The following MACROH2A1 variants were observed in gnomAD, a reference collection of about 807,000 sequenced individuals.
The protein encoded by MACROH2A1 is macroH2A.1 histone.
A neutral mutation model predicts 31.6 loss-of-function variants in MACROH2A1; 2 were observed. The ratio of observed to expected loss-of-function variants is 0.06; its 90% CI spans 0.03 to 0.20. MACROH2A1 has a LOEUF of 0.20. MACROH2A1 is among the 10% of genes least tolerant of loss of function. MACROH2A1 has a pLI of 1.00. For synonymous variants in MACROH2A1, 169 were observed against 189.6 expected (o/e 0.89, Z 0.89); for missense variants, 230 against 474.0 (o/e 0.49, Z 4.78).
At chr5:135,360,718 C>A in intron 4 of MACROH2A1, 111 bp from the exon 5 acceptor site, 4 of 778,454 alleles carry the variant, frequency 5.1e-6, no homozygotes, top group African/African-American at 1.7e-5. Flanking sequence ...GGAAACTAAA[C>A]CACAACCAGT....
At chr5:135,350,834 C>T (rs1396893223) in intron 6 of MACROH2A1, 1 of 1,607,534 alleles carries the variant, frequency 6.2e-7, no homozygotes, top group Non-Finnish European at 8.5e-7. Flanking sequence ...TACTTCACCA[C>T]CGATGTAGAA....
At chr5:135,395,214 T>A (rs138546205) in intron 1 of MACROH2A1, among the ~76,000 whole-genome samples, 93 of 152,270 alleles carry the variant, frequency 6.1e-4, no homozygotes, top group African/African-American at 2.1e-3. Context: ...TCCTCACATC[T>A]ATAAGAGATT....
intron 6 of MACROH2A1, among the ~76,000 whole-genome samples, chr5:135,352,545 T>C (rs1161535113): frequency 6.6e-6 from 1 of 152,228 alleles, no homozygotes; most frequent in Non-Finnish European, 1.5e-5. Flanking sequence ...CTTTCAAGCT[T>C]TGTCATTTCT....
intron 8 of MACROH2A1, among the ~76,000 whole-genome samples, chr5:135,341,062 T>C (rs1353948336): frequency 6.6e-6 from 1 of 152,248 alleles, no homozygotes; most frequent in Non-Finnish European, 1.5e-5. Context: ...CCAATACCCA[T>C]ATGAAAGGTT....
At chr5:135,388,864 C>A in intron 2 of MACROH2A1, 58 bp downstream of exon 2, 2 of 1,390,936 alleles carry the variant, frequency 1.4e-6, no homozygotes, top group Admixed American at 2.1e-5. Flanking sequence ...CTTTGGAGAA[C>A]TATGAGAACT....
At chr5:135,372,019 A>C (rs1764235406) in intron 2 of MACROH2A1, among the ~76,000 whole-genome samples, 1 of 152,202 alleles carries the variant, frequency 6.6e-6, no homozygotes, top group South Asian at 2.1e-4. Context: ...TGGCTACTCA[A>C]GGAAACTCTC....
chr5:135,369,721 C>T lies in MACROH2A1; in HGVS notation c.280-118G>A. 1 of 744,566 alleles carries T rather than the reference C, an allele frequency of 1.3e-6. No homozygotes were observed. The highest frequency in any genetic ancestry group is 2.3e-6 in the Non-Finnish European group (1 of 441,848). The allele number at this position is 744,566 out of a possible 1,614,324, so 46.1% of individuals were successfully genotyped here. ...GTTGGTGCAGCTCCTTCCTCCATGG[C>T]ATCCTCCATGAGGATGCTGCCAGGA... On this transcript the variant is annotated intron_variant, in intron 3 of 8. Coordinates refer to ENST00000511689, the MANE Select transcript of MACROH2A1 (RefSeq NM_138610.3). The surrounding 1 kb of genome is among the most constrained non-coding windows in gnomAD (Gnocchi z 4.3).
intron 2 of MACROH2A1, among the ~76,000 whole-genome samples, chr5:135,382,057 T>A (rs1047307317): frequency 6.6e-6 from 1 of 152,168 alleles, no homozygotes; most frequent in Non-Finnish European, 1.5e-5. Context: ...AAATGGAAGG[T>A]CTAGATGAAA....
At chr5:135,352,838 GA>G in intron 6 of MACROH2A1, 107 bp downstream of exon 6, 1 of 711,142 alleles carries the variant, frequency 1.4e-6, no homozygotes, top group East Asian at 2.6e-5. Flanking sequence ...CTTGGATTTG[GA>G]AATTTGGCTT....
At chr5:135,354,962 A>G (rs1761998188) in intron 5 of MACROH2A1, 2 of 409,910 alleles carry the variant, frequency 4.9e-6, no homozygotes, top group Admixed American at 5.3e-5. Context: ...GTGGATGTGT[A>G]TGCTTTTAAG....
At chr5:135,394,578 T>C (rs1767705302) in intron 1 of MACROH2A1, among the ~76,000 whole-genome samples, 3 of 152,332 alleles carry the variant, frequency 2.0e-5, no homozygotes, top group African/African-American at 7.2e-5. Context: ...CCCTATTCTT[T>C]AATATACTCA....
chr5:135,352,935 TC>T lies in MACROH2A1; in HGVS notation c.688+10del. On this transcript the variant is annotated intron_variant, in intron 6 of 8. Transcript: ENST00000511689. ...TGACAGCTGGTGGTGCCGAACCCCG[TC>T]CCCAATTACCTAGGTCATCTTTAAG... 1 of 1,375,904 alleles carries T rather than the reference TC, an allele frequency of 7.3e-7. No individual in the cohort carries two copies. Among genetic ancestry groups the T allele is most frequent in the Non-Finnish European group, 1.0e-6 (1 of 962,202 alleles). The allele number at this position is 1,375,904 out of a possible 1,614,324, so 85.2% of individuals were successfully genotyped here.
intron 7 of MACROH2A1, chr5:135,344,232 ACAGATGCTCTG>A (rs1474555414): frequency 6.6e-6 from 1 of 152,298 alleles, no homozygotes; most frequent in African/African-American, 2.4e-5. Flanking sequence ...ACCCCTGTCC[ACAGATGCTCTG>A]CAAAGAAGGT....
At chr5:135,392,567 T>G (rs1027542892) in intron 1 of MACROH2A1, among the ~76,000 whole-genome samples, 2 of 152,224 alleles carry the variant, frequency 1.3e-5, no homozygotes, top group Admixed American at 6.5e-5. Context: ...GTGGTGGTTT[T>G]CAAAACACCC....
intron 8 of MACROH2A1, among the ~76,000 whole-genome samples, chr5:135,342,452 G>A (rs1760051343): frequency 6.6e-6 from 1 of 152,210 alleles, no homozygotes; most frequent in Non-Finnish European, 1.5e-5. Context: ...AACCTGATAG[G>A]TTATTTGCTG....
intron 7 of MACROH2A1, 88 bp downstream of exon 7, chr5:135,345,880 C>T: frequency 1.2e-6 from 1 of 857,514 alleles, no homozygotes; most frequent in Non-Finnish European, 2.0e-6. Flanking sequence ...CTGCCACACA[C>T]CTCTGAATTC....
At chr5:135,379,291 G>A (rs1765327384) in intron 2 of MACROH2A1, among the ~76,000 whole-genome samples, 1 of 152,182 alleles carries the variant, frequency 6.6e-6, no homozygotes. Context: ...GCCCAGCACT[G>A]GGTGCCAGGG....
intron 2 of MACROH2A1, among the ~76,000 whole-genome samples, chr5:135,377,429 T>C (rs764462902): frequency 2.0e-5 from 3 of 152,222 alleles, no homozygotes; most frequent in Non-Finnish European, 4.4e-5. Context: ...AATGAAATGA[T>C]TTGAAGAGTA....
intron 5 of MACROH2A1, chr5:135,358,858 T>A: frequency 1.0e-6 from 1 of 985,070 alleles, no homozygotes; most frequent in South Asian, 4.7e-5. Context: ...TGAGACCAGA[T>A]GTATCTGAAA....
Sources: gnomAD v4.1 joint callset for allele counts (sites outside exome capture counted in the v4.1 genomes callset) on GRCh38, gnomAD v4.1.1 for gene constraint, Gnocchi (gnomAD v3.1) non-coding constraint, MANE v1.5 for transcripts, NCBI Gene and HGNC (gene_info 2026-07-23, HGNC 2026-07-21) for gene names.